MDGA2: variants seen among roughly 807,000 people sequenced by gnomAD.
MDGA2 encodes MAM domain containing glycosylphosphatidylinositol anchor 2, also known as MAM domain-containing glycosylphosphatidylinositol anchor protein 2.
MDGA2 carries 40 observed loss-of-function variants against 117.8 expected under a neutral mutation model. That is an observed-to-expected ratio of 0.34 (90% CI 0.26 to 0.44). The LOEUF is 0.44. Among genes scored for constraint, MDGA2 ranks in the 20% least tolerant of loss-of-function variants. MDGA2 has a pLI of 1.00. For synonymous variants in MDGA2, 452 were observed against 439.0 expected, an observed-to-expected ratio of 1.03 and a Z score of -0.37; for missense variants, 1,123 against 1,250.6, an observed-to-expected ratio of 0.90 and a Z score of 1.54.
At chr14:47,010,263 T>G (rs1420748425) in intron 8 of MDGA2, among the ~76,000 whole-genome samples, 1 of 152,074 alleles carries the variant, frequency 6.6e-6, no homozygotes, top group Non-Finnish European at 1.5e-5. Flanking sequence ...CAATAGATGC[T>G]TTTTGAACTG....
chr14:47,283,163 T>C (rs1228604859), intron 2 of MDGA2, among the ~76,000 whole-genome samples: 1 of 151,868 alleles, frequency 6.6e-6, no homozygotes, highest in Admixed American at 6.6e-5. Context: ...GAAGGAGAAG[T>C]GAGGGTTAGG....
intron 9 of MDGA2, among the ~76,000 whole-genome samples, chr14:46,950,272 T>C (rs1487070340): frequency 6.6e-6 from 1 of 151,930 alleles, no homozygotes; most frequent in Non-Finnish European, 1.5e-5. Context: ...TATTCAAATA[T>C]TCCTTTATCA....
intron 9 of MDGA2, among the ~76,000 whole-genome samples, chr14:46,950,436 T>C (rs1252414421): frequency 6.6e-6 from 1 of 152,052 alleles, no homozygotes; most frequent in Non-Finnish European, 1.5e-5. Context: ...AGGATATGTA[T>C]GGAATCACTT....
chr14:47,342,979 C>G, intron 1 of MDGA2: 2 of 938,630 alleles, frequency 2.1e-6, no homozygotes, highest in Non-Finnish European at 3.0e-6. Context: ...GGAAAGGCAG[C>G]TTTGCCTGGC....
chr14:46,983,312 T>C (rs1466686393), intron 8 of MDGA2, among the ~76,000 whole-genome samples: 1 of 152,158 alleles, frequency 6.6e-6, no homozygotes, highest in Non-Finnish European at 1.5e-5. Context: ...CTCATTAATA[T>C]TTTTCTGATA....
At chr14:47,170,807 A>T (rs555396115) in intron 3 of MDGA2, among the ~76,000 whole-genome samples, 2 of 152,246 alleles carry the variant, frequency 1.3e-5, no homozygotes, top group African/African-American at 2.4e-5. Context: ...TTTCAAAACC[A>T]ATTTTGATTC....
At chr14:47,368,560 GA>G (rs1891279867) in intron 1 of MDGA2, among the ~76,000 whole-genome samples, 2 of 152,236 alleles carry the variant, frequency 1.3e-5, no homozygotes, top group South Asian at 4.1e-4. Flanking sequence ...GCGGGGGCAA[GA>G]ACATGAAATA....
chr14:47,163,069 G>C (rs1006857473), intron 3 of MDGA2, among the ~76,000 whole-genome samples: 6 of 152,088 alleles, frequency 3.9e-5, no homozygotes, highest in Non-Finnish European at 7.4e-5. Flanking sequence ...ACTATTGATA[G>C]GTTATTCTTC....
chr14:47,185,623 T>C (rs1884881160), intron 3 of MDGA2, among the ~76,000 whole-genome samples: 1 of 151,560 alleles, frequency 6.6e-6, no homozygotes, highest in Non-Finnish European at 1.5e-5. Flanking sequence ...ACAGAGAATG[T>C]TTACCAAATT....
At chr14:47,372,265 A>T (rs1891377646) in intron 1 of MDGA2, among the ~76,000 whole-genome samples, 1 of 151,890 alleles carries the variant, frequency 6.6e-6, no homozygotes. Context: ...CATTATAAAC[A>T]ATAATGGCAA....
At chr14:47,659,455 T>A (rs1190500711) in intron 1 of MDGA2, among the ~76,000 whole-genome samples, 2 of 152,208 alleles carry the variant, frequency 1.3e-5, no homozygotes, top group Non-Finnish European at 2.9e-5. Flanking sequence ...CTTAAGAAAG[T>A]CTAAATTAGC....
intron 1 of MDGA2, among the ~76,000 whole-genome samples, chr14:47,434,649 A>C (rs968196543): frequency 1.3e-5 from 2 of 152,182 alleles, no homozygotes; most frequent in African/African-American, 2.4e-5. Context: ...TGTTAAGTAC[A>C]TCACAAAGAT....
At chr14:47,239,475 G>A (rs1886970011) in intron 2 of MDGA2, among the ~76,000 whole-genome samples, 1 of 151,842 alleles carries the variant, frequency 6.6e-6, no homozygotes, top group East Asian at 1.9e-4. Context: ...CAAAAGGCAA[G>A]TAATATGCTT....
At chr14:46,900,114 G>T (rs1883228026) in intron 10 of MDGA2, among the ~76,000 whole-genome samples, 1 of 152,060 alleles carries the variant, frequency 6.6e-6, no homozygotes, top group African/African-American at 2.4e-5. Context: ...ATAAACATCT[G>T]AAATATCATC....
At chr14:47,162,381 A>T (rs1423039980) in intron 3 of MDGA2, among the ~76,000 whole-genome samples, 2 of 152,170 alleles carry the variant, frequency 1.3e-5, no homozygotes, top group African/African-American at 4.8e-5. Context: ...ATGGTCAATG[A>T]CATGGTCACT....
At chr14:47,342,952 C>G (rs773659390) in intron 1 of MDGA2, 2 of 603,680 alleles carry the variant, frequency 3.3e-6, no homozygotes, top group Middle Eastern at 6.0e-4. Context: ...CTTCTGAAGT[C>G]ACAGTAGTAG....
intron 1 of MDGA2, among the ~76,000 whole-genome samples, chr14:47,391,518 T>A (rs1412819327): frequency 2.0e-5 from 3 of 152,172 alleles, no homozygotes; most frequent in Admixed American, 2.0e-4. Flanking sequence ...TTAGTCGGCC[T>A]TCCCTGGTTA....
intron 1 of MDGA2, among the ~76,000 whole-genome samples, chr14:47,461,177 T>C (rs888211516): frequency 6.6e-6 from 1 of 151,916 alleles, no homozygotes; most frequent in Non-Finnish European, 1.5e-5. Flanking sequence ...TGGAGTCAAA[T>C]CAGAATAACC....
In MDGA2 at chr14:46,842,028, A is replaced by C; in HGVS notation, c.2990-9T>G. ...AGCACCATCAACGGAATCTAAAGAT[A>C]AGGAAAATAAATGCAAACAAAAAAA... On this transcript the variant is annotated splice_polypyrimidine_tract_variant and intron_variant, in intron 16 of 16. Transcript: ENST00000399232. The C allele has an allele frequency of 6.3e-7, 1 of 1,596,654 alleles. No homozygotes were observed. Among genetic ancestry groups the C allele is most frequent in the Non-Finnish European group, 8.6e-7 (1 of 1,165,424 alleles).
Sources: gnomAD v4.1 joint callset for allele counts (sites outside exome capture counted in the v4.1 genomes callset) on GRCh38, gnomAD v4.1.1 for gene constraint, MANE v1.5 for transcripts, NCBI Gene and HGNC (gene_info 2026-07-23, HGNC 2026-07-21) for gene names.